CERS4: variants seen among roughly 807,000 people sequenced by gnomAD.
The protein encoded by CERS4 is ceramide synthase 4.
Under a neutral mutation model 51.8 loss-of-function variants are expected in CERS4, and 65 were observed. The ratio of observed to expected loss-of-function variants is 1.26; its 90% CI spans 1.03 to 1.54. CERS4 has a LOEUF of 1.54. Among genes scored for constraint, CERS4 ranks in the 40% most tolerant of loss-of-function variants. The pLI, the probability that CERS4 is intolerant of heterozygous loss-of-function variation, is 0.00. For missense variants in CERS4, 563 were observed against 500.4 expected (o/e 1.13, Z -1.19); for synonymous variants, 228 against 208.4 (o/e 1.09, Z -0.81).
intron 9 of CERS4, 28 bp downstream of exon 9, chr19:8,257,105 C>G: frequency 6.4e-7 from 1 of 1,568,080 alleles, no homozygotes; most frequent in Non-Finnish European, 8.7e-7. Flanking sequence ...CTGACCCTTC[C>G]CAGCTGCTGT....
At chr19:8,238,939 A>G (rs1599552294) in intron 2 of CERS4, among the ~76,000 whole-genome samples, 1 of 152,128 alleles carries the variant, frequency 6.6e-6, no homozygotes, top group East Asian at 1.9e-4. Flanking sequence ...TCTCTACAAA[A>G]AAATAACAAA....
rs754518107 is a variant in CERS4, at chr19:8,262,160, T to C, written c.*51T>C. The C allele has an allele frequency of 9.2e-6, 13 of 1,410,160 alleles. No individual in the cohort carries two copies. The African/African-American group carries it at 1.7e-4, about 19-fold the overall frequency. 87.4% of individuals were successfully genotyped at this position (1,410,160 alleles called of 1,614,324 possible). A position where few individuals can be genotyped will look rare whatever the true frequency, so the allele number is the denominator to read the frequency against. On this transcript the variant is annotated 3_prime_UTR_variant, in exon 12 of 12. Coordinates refer to ENST00000251363, the MANE Select transcript of CERS4 (RefSeq NM_024552.3). The stretch of plus-strand genomic sequence containing the variant: ...TGCCCCCCCGCCAGTGCCTTGGATA[T>C]TTCTGGGGTGACTGGACTGGCGCCC...
chr19:8,260,231 G>A (rs1417191011), intron 10 of CERS4, among the ~76,000 whole-genome samples: 1 of 151,962 alleles, frequency 6.6e-6, no homozygotes, highest in Non-Finnish European at 1.5e-5. Context: ...GTCTTGCTCT[G>A]TCACCTAGAC....
chr19:8,252,568 A>C (rs1969145350), intron 3 of CERS4, among the ~76,000 whole-genome samples: 1 of 151,628 alleles, frequency 6.6e-6, no homozygotes. Context: ...CCTCACAAGT[A>C]ACTGGGATTA....
At chr19:8,237,415 C>T (rs1034935500) in intron 2 of CERS4, among the ~76,000 whole-genome samples, 1 of 152,016 alleles carries the variant, frequency 6.6e-6, no homozygotes, top group Admixed American at 6.6e-5. Context: ...GTTAGCCACG[C>T]ATGGTGGTGG....
chr19:8,257,222 CCT>C (rs1424877127), intron 9 of CERS4, 145 bp downstream of exon 9: 17 of 840,494 alleles, frequency 2.0e-5, no homozygotes, highest in Non-Finnish European at 2.6e-5. Flanking sequence ...GGCCCTGCCC[CCT>C]CTGTCTTCCA....
chr19:8,221,893 T>A (rs1599519341), intron 2 of CERS4, among the ~76,000 whole-genome samples: 1 of 125,708 alleles, frequency 8.0e-6, no homozygotes, highest in African/African-American at 3.0e-5. Context: ...TTTTTTTTTT[T>A]TTTTTTGAGA....
At chr19:8,217,919 C>T (rs909841442) in intron 2 of CERS4, among the ~76,000 whole-genome samples, 8 of 152,014 alleles carry the variant, frequency 5.3e-5, no homozygotes, top group Non-Finnish European at 1.0e-4. Flanking sequence ...GTGATCTGCC[C>T]GCCTCATCCT....
At chr19:8,256,494 G>A (rs1451190414) in intron 7 of CERS4, 124 bp from the exon 8 acceptor site, 4 of 1,038,842 alleles carry the variant, frequency 3.9e-6, no homozygotes, top group African/African-American at 3.2e-5. Context: ...CTCCAGGGAT[G>A]GGGAGCTCAC....
At chr19:8,217,346 A>G (rs192621422) in intron 2 of CERS4, among the ~76,000 whole-genome samples, 1 of 152,066 alleles carries the variant, frequency 6.6e-6, no homozygotes, top group Non-Finnish European at 1.5e-5. Context: ...ACAATCAGAG[A>G]CACTGAAGGC....
intron 2 of CERS4, among the ~76,000 whole-genome samples, chr19:8,239,923 T>C (rs77586740): frequency 0.017 from 2,617 of 152,238 alleles, 73 homozygotes; most frequent in African/African-American, 0.06. Flanking sequence ...AACATTCTTT[T>C]CTTTCATGAA....
chr19:8,253,972 C>T (rs1173819177), intron 3 of CERS4, among the ~76,000 whole-genome samples: 3 of 151,958 alleles, frequency 2.0e-5, no homozygotes, highest in African/African-American at 4.8e-5. Context: ...CGAGTCCTGC[C>T]CCACGAGCCT....
intron 2 of CERS4, chr19:8,250,735 G>C: frequency 1.1e-6 from 1 of 869,998 alleles, no homozygotes; most frequent in Non-Finnish European, 1.4e-6. Context: ...GATTACAGGC[G>C]TGAGCAACTG....
chr19:8,212,881 C>A (rs1259407784), intron 2 of CERS4, among the ~76,000 whole-genome samples: 1 of 151,994 alleles, frequency 6.6e-6, no homozygotes, highest in East Asian at 1.9e-4. Context: ...CTCCTGACCT[C>A]AGGTGATGCA....
At chr19:8,248,028 CT>C (rs1235536779) in intron 2 of CERS4, among the ~76,000 whole-genome samples, 2 of 152,188 alleles carry the variant, frequency 1.3e-5, no homozygotes, top group Non-Finnish European at 2.9e-5. Flanking sequence ...GCCACCGCAC[CT>C]GGCCTGACGA....
intron 2 of CERS4, among the ~76,000 whole-genome samples, chr19:8,250,272 G>A (rs1470471013): frequency 1.3e-5 from 2 of 152,166 alleles, no homozygotes; most frequent in Non-Finnish European, 2.9e-5. Context: ...ATGGTGCCCG[G>A]CCACGACTCA....
At position 8,252,941 on chromosome 19, in the gene CERS4, C is replaced by T. The variant is rs552556729; in HGVS notation, c.174-1558C>T. On this transcript the variant is annotated intron_variant, in intron 3 of 11. Transcript: ENST00000251363. ...GTGTCACCTTGGGCATGTCTCTGAG[C>T]CTCAGTTTACCCATTAGGACAATAG... Among the ~76,000 whole-genome samples the T allele has an allele frequency of 1.1e-4, 16 of 152,240 alleles. 1 individual carries two copies. In the South Asian group the frequency reaches 3.3e-3, roughly 32 times the overall value.
At position 8,257,983 on chromosome 19, in the gene CERS4, C is replaced by G. The variant is rs1555780605; in HGVS notation, c.846C>G (p.Thr282=). Residue 282 remains threonine (T), a splice_region_variant and synonymous_variant, in exon 10 of 12, where the codon ACC becomes ACG. Coordinates refer to ENST00000251363, the MANE Select transcript of CERS4 (RefSeq NM_024552.3). ...ACACCCGACTGGTCCTCTTTCCCAC[C>G]CAGTGAGTCAGCCCTCCCATGGGGG... ...FFYTRLVLFP[T]QILYTTYYES... 6.2e-7 allele frequency: 1 copy of G among 1,612,692 alleles called. No homozygotes were observed. The highest frequency in any genetic ancestry group is 8.5e-7 in the Non-Finnish European group (1 of 1,179,072).
intron 2 of CERS4, among the ~76,000 whole-genome samples, chr19:8,237,678 A>G (rs903674649): frequency 3.9e-5 from 6 of 152,004 alleles, no homozygotes; most frequent in African/African-American, 1.4e-4. Flanking sequence ...GTGAAACCCC[A>G]ACTCTACTAA....
Sources: allele counts gnomAD v4.1 joint callset (sites outside exome capture counted in the v4.1 genomes callset), GRCh38; gene constraint gnomAD v4.1.1; transcripts MANE v1.5; gene names NCBI Gene and HGNC (gene_info 2026-07-23, HGNC 2026-07-21).